Variants in PSMD1 observed in about 807,000 individuals in gnomAD.
The protein encoded by PSMD1 is 26S proteasome non-ATPase regulatory subunit 1.
Under a neutral mutation model 119.0 loss-of-function variants are expected in PSMD1, and 18 were observed. The observed-to-expected ratio is 0.15, with a 90% CI of 0.10 to 0.22. The LOEUF (loss-of-function observed/expected upper bound fraction) is 0.22. Among genes scored for constraint, PSMD1 ranks in the 10% least tolerant of loss-of-function variants. PSMD1 has a pLI of 1.00. For missense variants in PSMD1, 702 were observed against 1,158.5 expected (o/e 0.61, Z 5.72); for synonymous variants, 374 against 396.6 (o/e 0.94, Z 0.68).
At position 231,125,828 on chromosome 2, in the gene PSMD1, A is replaced by T. The variant is rs1695705669; in HGVS notation, c.1884-12908A>T. Among the ~76,000 whole-genome samples the T allele has an allele frequency of 2.0e-5, 3 of 152,202 alleles. No individual in the cohort carries two copies. In the South Asian group the frequency reaches 6.2e-4, roughly 31 times the overall value. ...GTTTCCTTTTAAAAGATCATTATAG[A>T]TGCATATTTTAAAATTAATTACTTA... On this transcript the variant is annotated intron_variant, in intron 16 of 24. Transcript: ENST00000308696.
Position 231,079,633 on chromosome 2 carries a change from T to C in PSMD1, c.1239+19T>C, listed in dbSNP as rs1199979839. 15 of 1,493,754 alleles carry C rather than the reference T, an allele frequency of 1.0e-5. No homozygotes were observed. Among genetic ancestry groups the C allele is most frequent in the Non-Finnish European group, 1.4e-5 (15 of 1,096,084 alleles). The allele number at this position is 1,493,754 out of a possible 1,614,324, so 92.5% of individuals were successfully genotyped here. On this transcript the variant is annotated intron_variant, in intron 11 of 24. Coordinates refer to ENST00000308696, the MANE Select transcript of PSMD1 (RefSeq NM_002807.4). ...TCATAAGGTAATATATATTGGTCAG[T>C]GTATACAGGCATCAGAAAAGAAGTA... is the stretch of plus-strand genomic sequence containing the variant.
intron 17 of PSMD1, 94 bp from the exon 18 acceptor site, chr2:231,146,146 C>T (rs933691670): frequency 1.2e-6 from 1 of 820,456 alleles, no homozygotes; most frequent in Non-Finnish European, 2.1e-6. Context: ...TGTGTCACTT[C>T]CCAGAATGTC....
intron 18 of PSMD1, 76 bp downstream of exon 18, chr2:231,146,432 G>T: frequency 6.3e-6 from 7 of 1,106,006 alleles, no homozygotes; most frequent in Non-Finnish European, 8.1e-6. Flanking sequence ...TTTTGAGGAC[G>T]TTTTTTAGTT....
intron 16 of PSMD1, among the ~76,000 whole-genome samples, chr2:231,122,267 T>TA (rs1338702656): frequency 1.3e-5 from 2 of 152,148 alleles, no homozygotes; most frequent in African/African-American, 4.8e-5. Flanking sequence ...ATGGAAGGTG[T>TA]AAACCTGTTA....
chr2:231,165,721 T>G (rs1342389245), intron 22 of PSMD1, 150 bp from the exon 23 acceptor site: 1 of 656,046 alleles, frequency 1.5e-6, no homozygotes, highest in Non-Finnish European at 2.5e-6. Flanking sequence ...TTTTCCCTCC[T>G]CTGAGTCTGA....
chr2:231,157,287 T>G (rs1254260508), intron 19 of PSMD1, among the ~76,000 whole-genome samples: 4 of 151,450 alleles, frequency 2.6e-5, no homozygotes. Flanking sequence ...AATTTTTAAT[T>G]AAAAATATAA....
intron 1 of PSMD1, among the ~76,000 whole-genome samples, chr2:231,058,266 A>C (rs141756547): frequency 2.0e-4 from 31 of 152,338 alleles, no homozygotes; most frequent in Non-Finnish European, 4.0e-4. Flanking sequence ...TGTTTCTTCT[A>C]ACTCGGCCCA....
intron 17 of PSMD1, among the ~76,000 whole-genome samples, chr2:231,145,504 T>C (rs954887619): frequency 6.6e-6 from 1 of 152,200 alleles, no homozygotes; most frequent in Non-Finnish European, 1.5e-5. Flanking sequence ...ACTAAATGTA[T>C]ACATTTTTTC....
chr2:231,165,182 C>T lies in PSMD1; in HGVS notation c.2482-18C>T, dbSNP rs1329982987. On this transcript the variant is annotated intron_variant, in intron 21 of 24. Transcript: ENST00000308696. ...GTCAGTAAGGGATTACAACAGTTTA[C>T]CCTGCTCATTTCCCCAGGTTTCTAC... The T allele has an allele frequency of 6.3e-7, 1 of 1,590,368 alleles. No individual in the cohort carries two copies. The highest frequency in any genetic ancestry group is 8.6e-7 in the Non-Finnish European group (1 of 1,165,944).
chr2:231,154,231 A>G (rs994063146), intron 19 of PSMD1, among the ~76,000 whole-genome samples: 4 of 152,142 alleles, frequency 2.6e-5, no homozygotes, highest in Non-Finnish European at 5.9e-5. Context: ...CAGGAGTTCA[A>G]GACCAGCCTG....
At chr2:231,135,412 AGAT>A (rs1253468988) in intron 16 of PSMD1, among the ~76,000 whole-genome samples, 1 of 152,158 alleles carries the variant, frequency 6.6e-6, no homozygotes, top group South Asian at 2.1e-4. Context: ...TCCTCTTTTC[AGAT>A]GAGGAAAGGA....
At chr2:231,114,385 C>G (rs1173075585) in intron 16 of PSMD1, among the ~76,000 whole-genome samples, 2 of 152,164 alleles carry the variant, frequency 1.3e-5, no homozygotes, top group Non-Finnish European at 2.9e-5. Context: ...CTCTGTGACA[C>G]CTGGGTTTTG....
chr2:231,075,167 T>C (rs954002401), intron 7 of PSMD1, among the ~76,000 whole-genome samples: 4 of 152,348 alleles, frequency 2.6e-5, no homozygotes, highest in South Asian at 4.1e-4. Context: ...TTAAGAGTAG[T>C]TGGGGTCCCA....
chr2:231,113,963 T>C lies in PSMD1; in HGVS notation c.1884-24773T>C, dbSNP rs1302289111. ...AACAAAAACAAGACAAACATTTTAT[T>C]CTATAAAATGGCAACTTTCAGTCTA... On this transcript the variant is annotated intron_variant, in intron 16 of 24. Transcript: ENST00000308696. The C allele has an allele frequency of 1.9e-6, 3 of 1,561,106 alleles. No individual in the cohort carries two copies. The Admixed American group carries it at 5.1e-5, about 27-fold the overall frequency.
chr2:231,152,123 A>C (rs1696390429), intron 18 of PSMD1, among the ~76,000 whole-genome samples: 1 of 151,898 alleles, frequency 6.6e-6, no homozygotes. Flanking sequence ...GCCACGTGAG[A>C]ATTTTTTTAA....
At chr2:231,143,829 G>A (rs1415910268) in intron 17 of PSMD1, among the ~76,000 whole-genome samples, 4 of 152,160 alleles carry the variant, frequency 2.6e-5, no homozygotes, top group Non-Finnish European at 4.4e-5. Flanking sequence ...ATATTCTGAA[G>A]AATAGGATAT....
Position 231,166,842 on chromosome 2 carries a change from C to T in PSMD1, c.2715+825C>T, listed in dbSNP as rs768292118. Among the ~76,000 whole-genome samples, 4 of 152,252 alleles carry T rather than the reference C, an allele frequency of 2.6e-5. No individual in the cohort carries two copies. The East Asian group carries it at 5.8e-4, about 22-fold the overall frequency. The stretch of plus-strand genomic sequence containing the variant: ...GCAACTCCTATCTATAATTGTGAGT[C>T]GGGGTCTTAACCTGACTAATTTATC... On this transcript the variant is annotated intron_variant, in intron 23 of 24. Transcript: ENST00000308696.
At chr2:231,168,988 A>G (rs923790235) in intron 23 of PSMD1, among the ~76,000 whole-genome samples, 3 of 152,168 alleles carry the variant, frequency 2.0e-5, no homozygotes, top group East Asian at 3.9e-4. Flanking sequence ...TTCATTGCCT[A>G]TATCTACAGT....
chr2:231,135,564 C>T (rs759972150), intron 16 of PSMD1, among the ~76,000 whole-genome samples: 4 of 152,128 alleles, frequency 2.6e-5, no homozygotes, highest in Non-Finnish European at 2.9e-5. Flanking sequence ...TACATAATAA[C>T]TGATAGCATA....
Sources: gnomAD v4.1 joint callset for allele counts (sites outside exome capture counted in the v4.1 genomes callset) on GRCh38, gnomAD v4.1.1 for gene constraint, MANE v1.5 for transcripts, NCBI Gene and HGNC (gene_info 2026-07-23, HGNC 2026-07-21) for gene names.